Variants in NXPE2 observed in about 807,000 individuals in gnomAD.
NXPE2 encodes neurexophilin and PC-esterase domain family member 2.
A neutral mutation model predicts 34.4 loss-of-function variants in NXPE2; 34 were observed. That is an observed-to-expected ratio of 0.99 (90% CI 0.75 to 1.31). The LOEUF (loss-of-function observed/expected upper bound fraction) is 1.31, where lower values mean the gene tolerates loss of function less well. NXPE2 is among the 40% of genes most tolerant of loss of function. The probability of loss-of-function intolerance (pLI) is 0.00; values close to 1 mark genes in which losing one functional copy is unlikely to be tolerated. For missense variants in NXPE2, 649 were observed against 672.5 expected, an observed-to-expected ratio of 0.97 and a Z score of 0.39; for synonymous variants, 235 against 231.3, an observed-to-expected ratio of 1.02 and a Z score of -0.15.
At chr11:114,583,828 G>T in the NXPE2 span, 53 of 407,286 alleles carry the variant, frequency 1.3e-4, 1 homozygote, top group African/African-American at 1.0e-3. Flanking sequence ...TTACAGGCTA[G>T]GCCAGGACTG....
chr11:114,604,206 C>G, the NXPE2 span, among the ~76,000 whole-genome samples: 68 of 152,140 alleles, frequency 4.5e-4, no homozygotes, highest in African/African-American at 1.6e-3. Context: ...ATAAGTATTG[C>G]CTTGTGGGTA....
intron 2 of NXPE2, among the ~76,000 whole-genome samples, chr11:114,693,180 G>A (rs1951185166): frequency 4.6e-5 from 7 of 152,088 alleles, no homozygotes; most frequent in Admixed American, 4.6e-4. Flanking sequence ...ATTCCTGCCT[G>A]GTCTCAGGTG....
At chr11:114,577,260 G>A in the NXPE2 span, among the ~76,000 whole-genome samples, 1 of 151,226 alleles carries the variant, frequency 6.6e-6, no homozygotes, top group South Asian at 2.1e-4. Context: ...CAACCTGGAT[G>A]GAATGGGAGG....
chr11:114,636,767 G>A, the NXPE2 span, among the ~76,000 whole-genome samples: 1 of 152,210 alleles, frequency 6.6e-6, no homozygotes, highest in East Asian at 1.9e-4. Context: ...ATGTAGTTGA[G>A]TAGTTTTGAG....
At chr11:114,485,011 G>A in the NXPE2 span, among the ~76,000 whole-genome samples, 1 of 152,074 alleles carries the variant, frequency 6.6e-6, no homozygotes, top group Admixed American at 6.5e-5. Context: ...CCCAGAGAGG[G>A]TTGTTTTGAT....
At chr11:114,665,764 C>A in the NXPE2 span, among the ~76,000 whole-genome samples, 1 of 152,114 alleles carries the variant, frequency 6.6e-6, no homozygotes, top group Non-Finnish European at 1.5e-5. Context: ...TGGAGAAGGG[C>A]TAAGACTGTG....
At chr11:114,524,510 A>G in the NXPE2 span, among the ~76,000 whole-genome samples, 11 of 152,162 alleles carry the variant, frequency 7.2e-5, no homozygotes, top group Admixed American at 1.3e-4. Context: ...AGTCCTGGTG[A>G]TTTGGCTTAC....
At chr11:114,531,850 C>T in the NXPE2 span, among the ~76,000 whole-genome samples, 54,930 of 151,988 alleles carry the variant, frequency 0.36, 10,176 homozygotes, top group East Asian at 0.66. Flanking sequence ...TGGCACTATA[C>T]GGTGCTTTAT....
the NXPE2 span, among the ~76,000 whole-genome samples, chr11:114,525,344 C>G: frequency 1.3e-5 from 2 of 151,842 alleles, no homozygotes; most frequent in Non-Finnish European, 2.9e-5. Context: ...CATCCTAATT[C>G]TTAAAACCTG....
At chr11:114,648,428 C>T in the NXPE2 span, among the ~76,000 whole-genome samples, 2 of 152,156 alleles carry the variant, frequency 1.3e-5, no homozygotes, top group African/African-American at 4.8e-5. Flanking sequence ...GAGGGTCAGA[C>T]TTTTGTTCTA....
At chr11:114,573,481 A>G in the NXPE2 span, among the ~76,000 whole-genome samples, 1 of 151,948 alleles carries the variant, frequency 6.6e-6, no homozygotes, top group East Asian at 1.9e-4. Flanking sequence ...ATTTAATAAC[A>G]CATAAGAACT....
the NXPE2 span, among the ~76,000 whole-genome samples, chr11:114,560,046 G>A: frequency 6.6e-6 from 1 of 152,098 alleles, no homozygotes; most frequent in Non-Finnish European, 1.5e-5. Context: ...GGTATTCTTT[G>A]AGATTCCTTC....
At chr11:114,626,498 C>T in the NXPE2 span, among the ~76,000 whole-genome samples, 2 of 152,148 alleles carry the variant, frequency 1.3e-5, no homozygotes, top group South Asian at 2.1e-4. Context: ...ACAGAAAGGA[C>T]ATCCACACCA....
chr11:114,760,369 C>G, the NXPE2 span, among the ~76,000 whole-genome samples: 1 of 152,252 alleles, frequency 6.6e-6, no homozygotes. Flanking sequence ...CTTCCAGAAC[C>G]GGGAGAAATA....
At chr11:114,590,242 T>G in the NXPE2 span, among the ~76,000 whole-genome samples, 1 of 152,210 alleles carries the variant, frequency 6.6e-6, no homozygotes, top group Admixed American at 6.5e-5. Flanking sequence ...ACTGAAACTC[T>G]TTTTAATTTC....
chr11:114,607,113 AC>A, the NXPE2 span, among the ~76,000 whole-genome samples: 2 of 151,802 alleles, frequency 1.3e-5, no homozygotes, highest in Admixed American at 1.3e-4. Flanking sequence ...AACCACTGTT[AC>A]CCGGTTTATA....
the NXPE2 span, among the ~76,000 whole-genome samples, chr11:114,729,693 T>C: frequency 6.6e-6 from 1 of 152,296 alleles, no homozygotes; most frequent in East Asian, 1.9e-4. Context: ...GTTGGCCATG[T>C]GTATGTCTTC....
At chr11:114,805,513 C>T in the NXPE2 span, among the ~76,000 whole-genome samples, 2 of 152,234 alleles carry the variant, frequency 1.3e-5, no homozygotes, top group Non-Finnish European at 2.9e-5. Context: ...TTCCAACCAG[C>T]TTTAAAAATG....
At chr11:114,533,290 A>G in the NXPE2 span, among the ~76,000 whole-genome samples, 1 of 152,212 alleles carries the variant, frequency 6.6e-6, no homozygotes, top group Non-Finnish European at 1.5e-5. Context: ...ATTATAGACA[A>G]TACATTCGAG....
Sources: allele counts gnomAD v4.1 joint callset (sites outside exome capture counted in the v4.1 genomes callset), GRCh38; gene constraint gnomAD v4.1.1; transcripts MANE v1.5; gene names NCBI Gene and HGNC (gene_info 2026-07-23, HGNC 2026-07-21).